The following AGR3 variants were observed in gnomAD, a reference collection of about 807,000 sequenced individuals.
The protein encoded by AGR3 is anterior gradient protein 3.
In AGR3, 37 loss-of-function variants were observed where a neutral mutation model predicts 24.5. The observed-to-expected ratio is 1.51, with a 90% CI of 1.16 to 1.99. The LOEUF (loss-of-function observed/expected upper bound fraction) is 1.99. Among genes scored for constraint, AGR3 ranks in the 30% most tolerant of loss-of-function variants. AGR3 has a pLI of 0.00. For synonymous variants in AGR3, 75 were observed against 61.6 expected (o/e 1.22, Z -1.02); for missense variants, 228 against 191.1 (o/e 1.19, Z -1.14).
At chr7:16,873,995 A>C (rs975095652) in intron 2 of AGR3, 152 bp from the exon 3 acceptor site, 83 of 637,884 alleles carry the variant, frequency 1.3e-4, no homozygotes, top group Admixed American at 1.0e-3. Context: ...CAATTTTCAC[A>C]AGATATGGAG....
chr7:16,868,323 T>G (rs1781800426), intron 3 of AGR3, among the ~76,000 whole-genome samples: 1 of 152,036 alleles, frequency 6.6e-6, no homozygotes, highest in African/African-American at 2.4e-5. Flanking sequence ...GCCTGGCTAA[T>G]TTTGTATTTT....
At chr7:16,864,345 G>A in intron 3 of AGR3, 1 of 1,351,110 alleles carries the variant, frequency 7.4e-7, no homozygotes, top group South Asian at 1.2e-5. Context: ...GAGGCTGGCT[G>A]GCAGGCAGTT....
chr7:16,860,288 A>C (rs1465573026), intron 7 of AGR3, among the ~76,000 whole-genome samples: 1 of 152,192 alleles, frequency 6.6e-6, no homozygotes, highest in African/African-American at 2.4e-5. Context: ...AGAATTTAGT[A>C]ATCCTAAAAT....
At chr7:16,860,674 G>C in intron 6 of AGR3, 91 bp from the exon 7 acceptor site, 1 of 872,494 alleles carries the variant, frequency 1.1e-6, no homozygotes, top group South Asian at 1.6e-5. Flanking sequence ...TTATATGTGG[G>C]GGTTATGTGT....
chr7:16,879,743 G>T (rs947322780), intron 1 of AGR3, among the ~76,000 whole-genome samples: 19 of 152,180 alleles, frequency 1.2e-4, no homozygotes, highest in Non-Finnish European at 2.6e-4. Context: ...TTTTATTGTA[G>T]TAGGCATTGT....
intron 5 of AGR3, among the ~76,000 whole-genome samples, chr7:16,861,737 C>T (rs1184462742): frequency 2.0e-5 from 3 of 151,044 alleles, no homozygotes; most frequent in Admixed American, 2.0e-4. Flanking sequence ...CCTGTCTCTA[C>T]TAAAAATACA....
intron 4 of AGR3, among the ~76,000 whole-genome samples, chr7:16,862,394 G>A (rs73307290): frequency 2.1e-4 from 32 of 152,022 alleles, no homozygotes; most frequent in Admixed American, 5.9e-4. Flanking sequence ...AGAGGAATAT[G>A]TAATTCCCAA....
At chr7:16,864,615 A>G (rs1034526910) in intron 3 of AGR3, 13 of 1,536,132 alleles carry the variant, frequency 8.5e-6, no homozygotes, top group Non-Finnish European at 1.2e-5. Flanking sequence ...TTATTAGAGC[A>G]AGGTATGGCA....
At position 16,859,458 on chromosome 7, in the gene AGR3, TA is replaced by T. The variant is rs1781598962; in HGVS notation, c.*123del. 3 of 657,258 alleles carry T rather than the reference TA, an allele frequency of 4.6e-6. No homozygotes were observed. The highest frequency in any genetic ancestry group is 1.8e-5 in the African/African-American group (1 of 54,534). 40.7% of individuals were successfully genotyped at this position (657,258 alleles called of 1,614,324 possible). A position where few individuals can be genotyped will look rare whatever the true frequency, so the allele number is the denominator to read the frequency against. ...TTTAATAAGACTATTGCAAACACAT[TA>T]AAAAAACTAAATAGTAATATTACAA... On this transcript the variant is annotated 3_prime_UTR_variant, in exon 8 of 8. Transcript: ENST00000310398.
downstream of AGR3, among the ~76,000 whole-genome samples, chr7:16,859,230 T>TC (rs568461229): frequency 2.4e-5 from 2 of 84,810 alleles, no homozygotes; most frequent in Non-Finnish European, 5.3e-5. Context: ...AGACTGCATC[T>TC]CAAAAAAAAA....
intron 3 of AGR3, among the ~76,000 whole-genome samples, chr7:16,867,242 T>C (rs181907522): frequency 6.6e-6 from 1 of 152,292 alleles, no homozygotes; most frequent in East Asian, 1.9e-4. Flanking sequence ...TTTTCCCAGA[T>C]GACTATCAAC....
chr7:16,881,795 A>T (rs933930082), intron 1 of AGR3, 149 bp downstream of exon 1: 6 of 364,634 alleles, frequency 1.6e-5, no homozygotes, highest in African/African-American at 1.3e-4. Context: ...AGCAAAGGAA[A>T]TCCAGTTCAG....
intron 3 of AGR3, chr7:16,873,464 G>C (rs1781923311): frequency 4.4e-6 from 1 of 229,292 alleles, no homozygotes; most frequent in Non-Finnish European, 8.7e-6. Flanking sequence ...GGAAGGATAA[G>C]GAGAGGTTGA....
chr7:16,867,371 A>G (rs1781777724), intron 3 of AGR3, among the ~76,000 whole-genome samples: 1 of 152,102 alleles, frequency 6.6e-6, no homozygotes, highest in Non-Finnish European at 1.5e-5. Context: ...CTACCTATCA[A>G]TAATCTATTT....
At chr7:16,873,529 AC>A (rs929577874) in intron 3 of AGR3, 104 of 373,046 alleles carry the variant, frequency 2.8e-4, no homozygotes, top group African/African-American at 2.0e-3. Flanking sequence ...GTAGTATTCT[AC>A]AGCACTATAG....
At chr7:16,862,486 C>A in intron 4 of AGR3, 124 bp downstream of exon 4, 1 of 494,860 alleles carries the variant, frequency 2.0e-6, no homozygotes, top group East Asian at 3.6e-5. Context: ...GGTACTCTGG[C>A]AGTTGTCTAT....
intron 5 of AGR3, 127 bp from the exon 6 acceptor site, chr7:16,861,574 T>A: frequency 2.7e-6 from 2 of 740,172 alleles, no homozygotes; most frequent in Non-Finnish European, 2.2e-6. Context: ...CTTTCTGTAT[T>A]AACCAATATT....
At position 16,863,625 on chromosome 7, in the gene AGR3, T is replaced by A. The variant is rs374555849; in HGVS notation, c.174-963A>T. On this transcript the variant is annotated intron_variant, in intron 3 of 7. Coordinates refer to ENST00000310398, the MANE Select transcript of AGR3 (RefSeq NM_176813.5). ...TATATACCCAGATGCATGTTCACATTTATGTGTATGTATTTCTTTTTAAAA... is the reference window on the plus strand; with the variant it reads ...TATATACCCAGATGCATGTTCACATATATGTGTATGTATTTCTTTTTAAAA... 1.2e-4 allele frequency among the ~76,000 whole-genome samples: 18 copies of A among 152,222 alleles called. No individual in the cohort carries two copies. The East Asian group carries it at 3.5e-3, about 29-fold the overall frequency.
chr7:16,854,748 A>G (rs920537954), downstream of AGR3, among the ~76,000 whole-genome samples: 4 of 152,186 alleles, frequency 2.6e-5, no homozygotes, highest in African/African-American at 9.6e-5. Context: ...AGGTGTTGGC[A>G]GGGTTGGTTC....
Sources: gnomAD v4.1 joint callset for allele counts (sites outside exome capture counted in the v4.1 genomes callset) on GRCh38, gnomAD v4.1.1 for gene constraint, MANE v1.5 for transcripts, NCBI Gene and HGNC (gene_info 2026-07-23, HGNC 2026-07-21) for gene names.